Variants in MROH7 observed in about 807,000 individuals in gnomAD.
The protein encoded by MROH7 is maestro heat like repeat family member 7, also known as maestro heat-like repeat-containing protein family member 7.
MROH7 carries 113 observed loss-of-function variants against 129.2 expected under a neutral mutation model. The observed-to-expected ratio is 0.87, with a 90% CI of 0.75 to 1.02. The LOEUF is 1.02. Among genes scored for constraint, MROH7 ranks in the 50% least tolerant of loss-of-function variants. MROH7 has a pLI of 0.00. For synonymous variants in MROH7, 655 were observed against 667.9 expected (o/e 0.98, Z 0.30); for missense variants, 1,601 against 1,671.3 (o/e 0.96, Z 0.73).
Position 54,653,381 on chromosome 1 carries a change from C to G in MROH7, c.455C>G (p.Ala152Gly), listed in dbSNP as rs778567344. The stretch of plus-strand genomic sequence containing the variant: ...CACCCTCAGTCAAATTCTGAAGATG[C>G]CTTCAAGTGCCTCTCAAGTAAGATT... The part of the protein sequence containing the change: ...GNHPQSNSED[A>G]FKCLSSKIFK... Residue 152 changes from alanine to glycine, a missense_variant, in exon 3 of 24, where the codon GCC (alanine) becomes GGC (glycine). Coordinates refer to ENST00000421030, the MANE Select transcript of MROH7 (RefSeq NM_001039464.4). 10 of 1,614,200 alleles carry G rather than the reference C, an allele frequency of 6.2e-6. No individual in the cohort carries two copies. The highest frequency in any genetic ancestry group is 1.6e-4 in the Middle Eastern group (1 of 6,062).
At chr1:54,688,818 G>GA (rs1645190692) in intron 15 of MROH7, among the ~76,000 whole-genome samples, 1 of 152,192 alleles carries the variant, frequency 6.6e-6, no homozygotes, top group African/African-American at 2.4e-5. Context: ...GGAGGCTCTG[G>GA]AGGGGGAGGA....
chr1:54,665,969 T>A (rs1042703183), intron 4 of MROH7, among the ~76,000 whole-genome samples: 2 of 152,220 alleles, frequency 1.3e-5, no homozygotes, highest in African/African-American at 4.8e-5. Flanking sequence ...TCCCATGGCG[T>A]CCTTCTAGTT....
At chr1:54,671,078 G>A (rs1251326136) in intron 7 of MROH7, 149 bp downstream of exon 7, 6 of 918,436 alleles carry the variant, frequency 6.5e-6, no homozygotes, top group African/African-American at 1.7e-5. Context: ...AAATGGTGAA[G>A]GGATGAATCA....
At chr1:54,670,660 T>TGC in intron 6 of MROH7, 84 bp downstream of exon 6, 12 of 1,061,640 alleles carry the variant, frequency 1.1e-5, no homozygotes, top group South Asian at 1.5e-5. Context: ...CGCTGTACCC[T>TGC]CCCCCAACCC....
chr1:54,679,517 G>A (rs917478865), intron 12 of MROH7, 78 bp downstream of exon 12: 11 of 1,479,806 alleles, frequency 7.4e-6, no homozygotes, highest in Middle Eastern at 2.4e-4. Flanking sequence ...ATCACTGGCC[G>A]GCCAGACAGT....
chr1:54,685,035 T>C (rs1645126574), intron 14 of MROH7, among the ~76,000 whole-genome samples: 1 of 151,632 alleles, frequency 6.6e-6, no homozygotes. Context: ...TTTTTGAGAC[T>C]GAGTCTTGCT....
intron 1 of MROH7, among the ~76,000 whole-genome samples, chr1:54,646,337 CT>C (rs34454388): frequency 0.78 from 118,018 of 152,154 alleles, 45,947 homozygotes; most frequent in East Asian, 0.88. Flanking sequence ...CTTTCCGGGT[CT>C]TTTTGGCTGG....
chr1:54,653,026 A>G lies in MROH7; in HGVS notation c.100A>G (p.Ile34Val). Residue 34 changes from isoleucine (I) to valine (V), a missense_variant, in exon 3 of 24, where the codon ATC becomes GTC. By Grantham distance (29) the Ile-to-Val change is conservative. Transcript: ENST00000421030. ...CGAPGLGSGT[I>V]PQPHPDMAQV... ...GGCCCCGGGATTAGGGTCTGGTACC[A>G]TCCCTCAGCCCCACCCAGACATGGC... 1 of 1,614,154 alleles carries G rather than the reference A, an allele frequency of 6.2e-7. No individual in the cohort carries two copies. The highest frequency in any genetic ancestry group is 8.5e-7 in the Non-Finnish European group (1 of 1,180,010).
intron 17 of MROH7, chr1:54,699,410 T>G (rs1645395500): frequency 6.6e-6 from 1 of 152,060 alleles, no homozygotes; most frequent in African/African-American, 2.4e-5. Context: ...TTCAAGCGAT[T>G]CTCCTGCCTC....
intron 3 of MROH7, among the ~76,000 whole-genome samples, chr1:54,661,576 ATTTG>A (rs71048703): frequency 0.016 from 2,441 of 149,812 alleles, 51 homozygotes; most frequent in African/African-American, 0.048. Flanking sequence ...TAAAAATATT[ATTTG>A]TTTGTTTGTT....
chr1:54,688,709 C>T (rs1036071894), intron 15 of MROH7, among the ~76,000 whole-genome samples: 1 of 152,222 alleles, frequency 6.6e-6, no homozygotes, highest in Non-Finnish European at 1.5e-5. Context: ...CGCAGTGCGG[C>T]CAGTTCCCAT....
In MROH7 at chr1:54,673,217, G is replaced by A. The variant is rs367802037; in HGVS notation, c.1695+31G>A. The A allele has an allele frequency of 1.5e-5, 23 of 1,536,616 alleles. 1 individual carries two copies. In the Admixed American group the frequency reaches 2.2e-4, roughly 15 times the overall value. On this transcript the variant is annotated intron_variant, in intron 8 of 23. Transcript: ENST00000421030. ...GAGATGGGAGGGGCAAGGAAGGGAG[G>A]GGAGGAAGGGTGGAGGGAAGAGAGA...
chr1:54,644,775 A>C (rs897733059), intron 1 of MROH7, among the ~76,000 whole-genome samples: 1 of 150,040 alleles, frequency 6.7e-6, no homozygotes, highest in Non-Finnish European at 1.5e-5. Flanking sequence ...GCTTATAGGC[A>C]TCAGCCACCA....
intron 3 of MROH7, among the ~76,000 whole-genome samples, chr1:54,657,537 T>C (rs1644668433): frequency 6.6e-6 from 1 of 151,472 alleles, no homozygotes; most frequent in Non-Finnish European, 1.5e-5. Flanking sequence ...CACCACTACA[T>C]CTAGCTAATT....
intron 15 of MROH7, among the ~76,000 whole-genome samples, chr1:54,690,574 G>A (rs1039300578): frequency 6.6e-6 from 1 of 151,014 alleles, no homozygotes; most frequent in Non-Finnish European, 1.5e-5. Flanking sequence ...CTCCCGAGTA[G>A]CTGGGACTAC....
rs935721994 is a variant in MROH7, at chr1:54,703,965, G to T, written c.3564+1220G>T. Among the ~76,000 whole-genome samples, 2 of 152,136 alleles carry T rather than the reference G, an allele frequency of 1.3e-5. No homozygotes were observed. The highest frequency in any genetic ancestry group is 4.8e-5 in the African/African-American group (2 of 41,408). On this transcript the variant is annotated intron_variant, in intron 21 of 23. Transcript: ENST00000421030. This position sits in a 1 kb window ranked among gnomAD's most constrained non-coding sequence, Gnocchi z 4.4. ...ACTGGATGCCAGTCACCCTGGGAAGGGCTTGACCTTGGGCCAGGCAGTTCT... is the reference window on the plus strand; with the variant it reads ...ACTGGATGCCAGTCACCCTGGGAAGTGCTTGACCTTGGGCCAGGCAGTTCT...
chr1:54,701,463 G>C (rs1410366285), intron 19 of MROH7, 141 bp downstream of exon 19: 1 of 629,898 alleles, frequency 1.6e-6, no homozygotes, highest in Admixed American at 3.4e-5. Flanking sequence ...CTTTGTCCCA[G>C]CTGGTCCACA....
rs1288442457 is a variant in MROH7, at chr1:54,686,325, C to G, written c.2588C>G (p.Pro863Arg). The change falls in exon 15 of 24, where the codon CCT becomes CGT. Residue 863 changes from proline to arginine, a missense_variant. Physicochemically the swap from Pro to Arg is moderately radical, Grantham distance 103 (BLOSUM62 -2). Transcript: ENST00000421030. ...SCMGRVRRIY[P>R]QLLLALLIQV... ...ATGGGCCGTGTGAGGCGCATCTACCCTCAGCTGCTCCTGGCCCTGCTCATT... is the reference window on the plus strand; with the variant it reads ...ATGGGCCGTGTGAGGCGCATCTACCGTCAGCTGCTCCTGGCCCTGCTCATT... 3 of 1,614,084 alleles carry G rather than the reference C, an allele frequency of 1.9e-6. No individual in the cohort carries two copies. The highest frequency in any genetic ancestry group is 2.5e-6 in the Non-Finnish European group (3 of 1,180,048).
intron 14 of MROH7, among the ~76,000 whole-genome samples, chr1:54,684,206 A>T (rs911408643): frequency 1.2e-4 from 18 of 152,236 alleles, no homozygotes; most frequent in African/African-American, 4.3e-4. Flanking sequence ...GGTACAGTAG[A>T]TGAAGGAGAG....
Sources: gnomAD v4.1 joint callset for allele counts (sites outside exome capture counted in the v4.1 genomes callset) on GRCh38, gnomAD v4.1.1 for gene constraint, Gnocchi (gnomAD v3.1) non-coding constraint, MANE v1.5 for transcripts, NCBI Gene and HGNC (gene_info 2026-07-23, HGNC 2026-07-21) for gene names.